BCAS1: variants seen among roughly 807,000 people sequenced by gnomAD.
BCAS1 encodes brain enriched myelin associated protein 1, also known as breast carcinoma-amplified sequence 1.
A neutral mutation model predicts 65.4 loss-of-function variants in BCAS1; 46 were observed. The observed-to-expected ratio is 0.70, with a 90% CI of 0.55 to 0.90. The LOEUF (loss-of-function observed/expected upper bound fraction) is 0.90, where lower values mean the gene tolerates loss of function less well. Ranked by LOEUF, BCAS1 falls within the 40% of genes least tolerant of loss-of-function variation. The pLI, the probability that BCAS1 is intolerant of heterozygous loss-of-function variation, is 0.00. For missense variants in BCAS1, 793 were observed against 771.2 expected (o/e 1.03, Z -0.33); for synonymous variants, 298 against 293.5 (o/e 1.02, Z -0.16).
chr20:54,060,587 G>T (rs1002566793), intron 1 of BCAS1, among the ~76,000 whole-genome samples: 5 of 149,638 alleles, frequency 3.3e-5, no homozygotes, highest in Non-Finnish European at 7.4e-5. Flanking sequence ...CTCCCAAAGT[G>T]TTGGGATTAC....
intron 10 of BCAS1, among the ~76,000 whole-genome samples, chr20:53,964,892 CA>C (rs1450708239): frequency 2.0e-5 from 3 of 148,036 alleles, no homozygotes; most frequent in Non-Finnish European, 4.5e-5. Flanking sequence ...AAGAGACCAT[CA>C]TTCTATTTAC....
At chr20:54,045,237 C>G (rs1271646126) in intron 3 of BCAS1, among the ~76,000 whole-genome samples, 1 of 148,172 alleles carries the variant, frequency 6.7e-6, no homozygotes, top group African/African-American at 2.5e-5. Context: ...CAAAACAAAA[C>G]AAAAAACTTA....
chr20:53,976,134 G>A (rs1478674315), intron 8 of BCAS1, among the ~76,000 whole-genome samples: 2 of 152,188 alleles, frequency 1.3e-5, no homozygotes, highest in Non-Finnish European at 2.9e-5. Flanking sequence ...TGGGATAGGA[G>A]TTATCCCGAT....
chr20:54,065,524 G>A (rs73134879), intron 1 of BCAS1, among the ~76,000 whole-genome samples: 19 of 152,294 alleles, frequency 1.2e-4, no homozygotes, highest in Non-Finnish European at 1.9e-4. Flanking sequence ...TACATACCCT[G>A]CAATGCCAAG....
chr20:54,037,065 T>C (rs1015898385), intron 3 of BCAS1, among the ~76,000 whole-genome samples: 4 of 150,500 alleles, frequency 2.7e-5, no homozygotes, highest in African/African-American at 9.7e-5. Context: ...TTTTTTTTCA[T>C]GTGCCAAAGC....
At position 54,052,632 on chromosome 20, in the gene BCAS1, C is replaced by T. The variant is rs545721544; in HGVS notation, c.142+5453G>A. On this transcript the variant is annotated intron_variant, in intron 3 of 12. Coordinates refer to ENST00000688948, the MANE Select transcript of BCAS1 (RefSeq NM_001366298.2). ...AACGGACTTGAGGGAACTAGTTAGT[C>T]CCTTTCCTGCCCTTCTGTCGTGTCT... Among the ~76,000 whole-genome samples the T allele has an allele frequency of 4.6e-5, 7 of 152,242 alleles. No individual in the cohort carries two copies. The East Asian group carries it at 1.4e-3, about 29-fold the overall frequency.
At chr20:54,057,328 T>TAATAAAC (rs1244644214) in intron 3 of BCAS1, among the ~76,000 whole-genome samples, 2 of 152,210 alleles carry the variant, frequency 1.3e-5, no homozygotes, top group Non-Finnish European at 2.9e-5. Flanking sequence ...GTTAAATGTT[T>TAATAAAC]AATAAACAAC....
rs1046237516 is a variant in BCAS1, at chr20:54,057,166, T to C, written c.142+919A>G. 1.1e-4 allele frequency among the ~76,000 whole-genome samples: 16 copies of C among 152,308 alleles called. 1 individual carries two copies. Among genetic ancestry groups the C allele is most frequent in the Admixed American group, 3.3e-4 (5 of 15,302 alleles). On this transcript the variant is annotated intron_variant, in intron 3 of 12. Coordinates refer to ENST00000688948, the MANE Select transcript of BCAS1 (RefSeq NM_001366298.2). ...TCCAGGATAAAGTCAAATAGGTAAG[T>C]ATATGCCTCAGTTTTAACACTGCCC...
At chr20:54,069,616 C>T (rs933402000) in intron 1 of BCAS1, among the ~76,000 whole-genome samples, 1 of 152,144 alleles carries the variant, frequency 6.6e-6, no homozygotes, top group East Asian at 1.9e-4. Flanking sequence ...AAAATGGAGA[C>T]GATGGTAACA....
chr20:54,050,346 T>C (rs11698014), intron 3 of BCAS1, among the ~76,000 whole-genome samples: 8,236 of 152,254 alleles, frequency 0.054, 321 homozygotes, highest in Non-Finnish European at 0.08. Context: ...AGATTAGATG[T>C]GAGCATTTGA....
At chr20:54,034,864 A>G (rs2091868521) in intron 3 of BCAS1, among the ~76,000 whole-genome samples, 1 of 151,352 alleles carries the variant, frequency 6.6e-6, no homozygotes, top group Admixed American at 6.6e-5. Flanking sequence ...TGAAGGCATC[A>G]TGCTACCTGA....
chr20:54,033,927 A>G (rs778698766), intron 3 of BCAS1, among the ~76,000 whole-genome samples: 6 of 151,448 alleles, frequency 4.0e-5, no homozygotes, highest in Non-Finnish European at 1.5e-5. Flanking sequence ...ATCCAGCAGC[A>G]CACCAAAAAG....
chr20:54,035,024 T>C (rs2091872174), intron 3 of BCAS1, among the ~76,000 whole-genome samples: 1 of 151,152 alleles, frequency 6.6e-6, no homozygotes, highest in African/African-American at 2.4e-5. Context: ...GACAAAAACA[T>C]GCAATGGGGA....
Position 53,973,910 on chromosome 20 carries a change from TTCTG to T in BCAS1, c.1317+1475_1317+1478del, listed in dbSNP as rs1431113291. On this transcript the variant is annotated intron_variant, in intron 9 of 12. Coordinates refer to ENST00000688948, the MANE Select transcript of BCAS1 (RefSeq NM_001366298.2). ...GGTCGAGTGGAGACTTGGAGAACTTTTCTGTCTAGCTAGAGAATTGTAAATGTAC... is the reference window on the plus strand; with the variant it reads ...GGTCGAGTGGAGACTTGGAGAACTTTTCTAGCTAGAGAATTGTAAATGTAC... 9.7e-4 allele frequency among the ~76,000 whole-genome samples: 148 copies of T among 152,296 alleles called. 2 individuals are homozygous for T. Among genetic ancestry groups the T allele is most frequent in the Non-Finnish European group, 1.6e-4 (11 of 68,020 alleles).
chr20:54,054,344 T>C (rs571247798), intron 3 of BCAS1, among the ~76,000 whole-genome samples: 23 of 152,320 alleles, frequency 1.5e-4, no homozygotes, highest in African/African-American at 5.3e-4. Flanking sequence ...TAGATTTCTA[T>C]TTACATATTT....
chr20:54,011,043 C>T (rs2091307998), intron 4 of BCAS1, among the ~76,000 whole-genome samples: 2 of 152,034 alleles, frequency 1.3e-5, no homozygotes, highest in Admixed American at 1.3e-4. Context: ...AAAGAAAGAA[C>T]CTCAATTTAA....
chr20:53,988,452 A>G (rs1238905271), intron 7 of BCAS1, among the ~76,000 whole-genome samples: 1 of 152,220 alleles, frequency 6.6e-6, no homozygotes, highest in African/African-American at 2.4e-5. Flanking sequence ...AGTGACAGAC[A>G]CTGTTTTAAG....
At chr20:54,068,520 C>G (rs936230540) in intron 1 of BCAS1, 1 of 153,256 alleles carries the variant, frequency 6.5e-6, no homozygotes, top group African/African-American at 2.4e-5. Flanking sequence ...TGCCCTGACC[C>G]TGGTGCCAGG....
intron 12 of BCAS1, among the ~76,000 whole-genome samples, chr20:53,946,274 C>T (rs2089312244): frequency 6.6e-6 from 1 of 151,948 alleles, no homozygotes; most frequent in Non-Finnish European, 1.5e-5. Context: ...AACCGCTCCC[C>T]ACCGCAGACC....
Sources: allele counts gnomAD v4.1 joint callset (sites outside exome capture counted in the v4.1 genomes callset), GRCh38; gene constraint gnomAD v4.1.1; transcripts MANE v1.5; gene names NCBI Gene and HGNC (gene_info 2026-07-23, HGNC 2026-07-21).